The following ARHGAP18 variants were observed in gnomAD, a reference collection of about 807,000 sequenced individuals.
The protein encoded by ARHGAP18 is rho GTPase-activating protein 18.
ARHGAP18 carries 67 observed loss-of-function variants against 86.2 expected under a neutral mutation model. That is an observed-to-expected ratio of 0.78 (90% CI 0.64 to 0.95). The LOEUF (loss-of-function observed/expected upper bound fraction) is 0.95. ARHGAP18 is among the 40% of genes least tolerant of loss of function. ARHGAP18 has a pLI of 0.00. For missense variants in ARHGAP18, 691 were observed against 780.4 expected (o/e 0.89, Z 1.37); for synonymous variants, 283 against 280.4 (o/e 1.01, Z -0.09).
chr6:129,653,823 G>GAA (rs200680444), intron 1 of ARHGAP18, among the ~76,000 whole-genome samples: 74 of 101,696 alleles, frequency 7.3e-4, no homozygotes, highest in African/African-American at 1.5e-3. Context: ...AACATTTGAA[G>GAA]AAAAAAAAAA....
At chr6:129,592,523 A>G (rs111568377) in intron 12 of ARHGAP18, among the ~76,000 whole-genome samples, 1 of 152,172 alleles carries the variant, frequency 6.6e-6, no homozygotes, top group Non-Finnish European at 1.5e-5. Context: ...CTCCCTGGTA[A>G]ATTAAGGGTG....
chr6:129,669,693 G>A (rs1774108767), intron 1 of ARHGAP18, among the ~76,000 whole-genome samples: 1 of 151,668 alleles, frequency 6.6e-6, no homozygotes, highest in Non-Finnish European at 1.5e-5. Flanking sequence ...GCTGAGGCAG[G>A]AGAATCGCTT....
At chr6:129,660,534 C>A (rs1239250284) in intron 1 of ARHGAP18, among the ~76,000 whole-genome samples, 1 of 152,158 alleles carries the variant, frequency 6.6e-6, no homozygotes, top group African/African-American at 2.4e-5. Context: ...ATGTGACACC[C>A]TCAGTTTGGA....
intron 1 of ARHGAP18, among the ~76,000 whole-genome samples, chr6:129,708,773 T>C (rs1341738636): frequency 6.6e-6 from 1 of 152,204 alleles, no homozygotes; most frequent in Non-Finnish European, 1.5e-5. Context: ...TGCTTAATGA[T>C]TACTAATACA....
chr6:129,605,743 C>T (rs781747363), intron 10 of ARHGAP18, 134 bp downstream of exon 10: 44 of 764,742 alleles, frequency 5.8e-5, no homozygotes, highest in Non-Finnish European at 9.5e-5. Flanking sequence ...ACCCTCTGTC[C>T]TTAAAAGTAG....
At position 129,576,453 on chromosome 6, in the gene ARHGAP18, C is replaced by A. The variant is rs976757067; in HGVS notation, c.*2060G>T. 6.6e-6 allele frequency: 1 copy of A among 152,140 alleles called. No individual in the cohort carries two copies. Among genetic ancestry groups the A allele is most frequent in the African/African-American group, 2.4e-5 (1 of 41,416 alleles). The allele number at this position is 152,140 out of a possible 1,614,324, so 9.4% of individuals were successfully genotyped here. On this transcript the variant is annotated 3_prime_UTR_variant, in exon 15 of 15. Transcript: ENST00000368149. ...TCCAATCTGGAAAACAGAGCAAGAC[C>A]CTGTCTCTAAAAAATTTGAGATTTT...
chr6:129,589,848 C>A (rs1788475636), intron 12 of ARHGAP18, among the ~76,000 whole-genome samples: 1 of 152,132 alleles, frequency 6.6e-6, no homozygotes, highest in East Asian at 1.9e-4. Context: ...CAGTTCGAGT[C>A]CCAAAACCTC....
chr6:129,603,984 G>C (rs1244493807), intron 10 of ARHGAP18, among the ~76,000 whole-genome samples: 1 of 152,182 alleles, frequency 6.6e-6, no homozygotes, highest in East Asian at 1.9e-4. Context: ...TTTTGCGTTA[G>C]ACTTCCTGAA....
chr6:129,671,091 T>G (rs1774133187), intron 1 of ARHGAP18, among the ~76,000 whole-genome samples: 2 of 152,232 alleles, frequency 1.3e-5, no homozygotes, highest in African/African-American at 2.4e-5. Context: ...GTCTTTAACC[T>G]AATACCTATT....
rs1392352113 is a variant in ARHGAP18, at chr6:129,614,778, C to G, written c.1044+1434G>C. ...TTTTTTTTTTTTTTTTTGGTTGTCA[C>G]AGTAGACTGTGAATAATGAAAATTA... On this transcript the variant is annotated intron_variant, in intron 7 of 14. Coordinates refer to ENST00000368149, the MANE Select transcript of ARHGAP18 (RefSeq NM_033515.3). Among the ~76,000 whole-genome samples, 7 of 143,338 alleles carry G rather than the reference C, an allele frequency of 4.9e-5. No individual in the cohort carries two copies. In the East Asian group the frequency reaches 1.4e-3, roughly 29 times the overall value. 94.0% of individuals were successfully genotyped at this position (143,338 alleles called of 152,430 possible). A position where few individuals can be genotyped will look rare whatever the true frequency, so the allele number is the denominator to read the frequency against.
intron 1 of ARHGAP18, among the ~76,000 whole-genome samples, chr6:129,673,788 A>G (rs1774181955): frequency 6.6e-6 from 1 of 152,230 alleles, no homozygotes; most frequent in Non-Finnish European, 1.5e-5. Context: ...AAAATCTGAT[A>G]TTTCTATTCT....
chr6:129,625,711 ATATTTATATATT>A (rs1789419264), intron 5 of ARHGAP18, among the ~76,000 whole-genome samples: 2 of 70,090 alleles, frequency 2.9e-5, no homozygotes, highest in Non-Finnish European at 4.9e-5. Flanking sequence ...TATATATTAT[ATATTTATATATT>A]ATATATATTT....
At position 129,586,859 on chromosome 6, in the gene ARHGAP18, C is replaced by T. The variant is rs367894049; in HGVS notation, c.1714-2747G>A. Among the ~76,000 whole-genome samples, 28 of 152,206 alleles carry T rather than the reference C, an allele frequency of 1.8e-4. No homozygotes were observed. In the East Asian group the frequency reaches 2.5e-3, roughly 14 times the overall value. ...TTCCTATCTTTGTGTACGTTCTACT[C>T]CCCCTCCCAAATATCTCTCTGCTAA... On this transcript the variant is annotated intron_variant, in intron 12 of 14. Transcript: ENST00000368149.
At chr6:129,591,231 T>C (rs1485864149) in intron 12 of ARHGAP18, among the ~76,000 whole-genome samples, 1 of 152,238 alleles carries the variant, frequency 6.6e-6, no homozygotes, top group Non-Finnish European at 1.5e-5. Context: ...AGTCTGTTCT[T>C]AACTTGAGCC....
chr6:129,643,999 G>T (rs1773525003), intron 1 of ARHGAP18, among the ~76,000 whole-genome samples: 1 of 152,152 alleles, frequency 6.6e-6, no homozygotes, highest in African/African-American at 2.4e-5. Context: ...CTTTAAAGAT[G>T]ATTCTTCCTG....
chr6:129,693,105 T>G (rs2114548505), intron 1 of ARHGAP18, among the ~76,000 whole-genome samples: 1 of 152,316 alleles, frequency 6.6e-6, no homozygotes, highest in East Asian at 1.9e-4. Flanking sequence ...AAAAGAGCTG[T>G]TCATCGGTAA....
chr6:129,689,755 A>G (rs562286381), intron 1 of ARHGAP18, among the ~76,000 whole-genome samples: 82 of 152,310 alleles, frequency 5.4e-4, no homozygotes, highest in Non-Finnish European at 9.0e-4. Context: ...AGCAGAATAC[A>G]TATATATTGA....
At chr6:129,652,517 C>A (rs1395899004) in intron 1 of ARHGAP18, among the ~76,000 whole-genome samples, 1 of 152,200 alleles carries the variant, frequency 6.6e-6, no homozygotes, top group African/African-American at 2.4e-5. Flanking sequence ...CACCTCCCCT[C>A]ATATTCTTGA....
intron 1 of ARHGAP18, among the ~76,000 whole-genome samples, chr6:129,653,951 G>A (rs1773773774): frequency 6.6e-6 from 1 of 152,186 alleles, no homozygotes; most frequent in Admixed American, 6.5e-5. Flanking sequence ...GCTGAGGTGA[G>A]AGGATCCCTT....
Sources: allele counts gnomAD v4.1 joint callset (sites outside exome capture counted in the v4.1 genomes callset), GRCh38; gene constraint gnomAD v4.1.1; transcripts MANE v1.5; gene names NCBI Gene and HGNC (gene_info 2026-07-23, HGNC 2026-07-21).